The following CDH13 variants were observed in gnomAD, a reference collection of about 807,000 sequenced individuals.
CDH13 encodes the protein cadherin-13.
Under a neutral mutation model 63.8 loss-of-function variants are expected in CDH13, and 24 were observed. The ratio of observed to expected loss-of-function variants is 0.38; its 90% confidence interval spans 0.27 to 0.53. CDH13 has a LOEUF of 0.53. Ranked by LOEUF, CDH13 falls within the 20% of genes least tolerant of loss-of-function variation. The pLI, the probability that CDH13 is intolerant of heterozygous loss-of-function variation, is 0.85. For synonymous variants in CDH13, 503 were observed against 355.3 expected (o/e 1.42, Z -4.67); for missense variants, 1,049 against 903.1 (o/e 1.16, Z -2.07).
intron 6 of CDH13, among the ~76,000 whole-genome samples, chr16:83,399,883 AC>A (rs1240393859): frequency 5.9e-5 from 9 of 152,304 alleles, no homozygotes; most frequent in Non-Finnish European, 8.8e-5. Flanking sequence ...AGGAGGTTGT[AC>A]CCAACTCATT....
chr16:83,383,214 C>A (rs565409791), intron 6 of CDH13: 1 of 152,280 alleles, frequency 6.6e-6, no homozygotes, highest in Admixed American at 6.5e-5. Flanking sequence ...GGGAGAAAAA[C>A]CACAGAAATG....
At chr16:83,000,379 G>A (rs112670851) in intron 2 of CDH13, among the ~76,000 whole-genome samples, 23,957 of 149,382 alleles carry the variant, frequency 0.16, 2,311 homozygotes, top group African/African-American at 0.26. Context: ...CTCGCGAGTA[G>A]CTGGGATTAC....
chr16:83,542,164 C>G (rs1598259370), intron 7 of CDH13, among the ~76,000 whole-genome samples: 1 of 152,300 alleles, frequency 6.6e-6, no homozygotes, highest in Middle Eastern at 3.4e-3. Flanking sequence ...GAGGCCATTC[C>G]TGCTGAGGTG....
chr16:83,009,088 C>G (rs1913850638), intron 2 of CDH13, among the ~76,000 whole-genome samples: 1 of 152,156 alleles, frequency 6.6e-6, no homozygotes, highest in Non-Finnish European at 1.5e-5. Flanking sequence ...CCTTTCTACC[C>G]CATGTGGGGA....
chr16:83,276,739 C>G (rs996756187), intron 5 of CDH13, among the ~76,000 whole-genome samples: 3 of 152,138 alleles, frequency 2.0e-5, no homozygotes, highest in African/African-American at 4.8e-5. Context: ...GGCATGGTGA[C>G]AGGCACCTGT....
intron 1 of CDH13, among the ~76,000 whole-genome samples, chr16:82,857,561 A>G (rs2039753804): frequency 6.6e-6 from 1 of 152,218 alleles, no homozygotes; most frequent in Non-Finnish European, 1.5e-5. Context: ...AAATCACGTA[A>G]CCTAAATTTT....
intron 10 of CDH13, among the ~76,000 whole-genome samples, chr16:83,699,775 T>G (rs1277421426): frequency 6.6e-6 from 1 of 152,216 alleles, no homozygotes; most frequent in East Asian, 1.9e-4. Flanking sequence ...CCTGAGACCC[T>G]GGAAAGCCCT....
At chr16:83,532,054 T>C (rs2075095012) in intron 7 of CDH13, among the ~76,000 whole-genome samples, 2 of 152,126 alleles carry the variant, frequency 1.3e-5, no homozygotes, top group African/African-American at 2.4e-5. Flanking sequence ...TGAGGAAGTC[T>C]CATGAGATCT....
At chr16:83,085,935 A>G (rs898828911) in intron 3 of CDH13, among the ~76,000 whole-genome samples, 1 of 152,182 alleles carries the variant, frequency 6.6e-6, no homozygotes, top group Non-Finnish European at 1.5e-5. Context: ...GAATGGCGTC[A>G]TGAAATACTA....
chr16:83,441,450 C>G (rs1397181583), intron 6 of CDH13, among the ~76,000 whole-genome samples: 2 of 152,092 alleles, frequency 1.3e-5, no homozygotes, highest in Non-Finnish European at 2.9e-5. Context: ...GTGACTTTCC[C>G]CGATTGGTAG....
intron 3 of CDH13, among the ~76,000 whole-genome samples, chr16:83,083,465 G>A (rs747975513): frequency 1.3e-5 from 2 of 152,112 alleles, no homozygotes; most frequent in African/African-American, 4.8e-5. Flanking sequence ...CAAAATCCTT[G>A]CCCCCATGTT....
chr16:83,473,033 A>T (rs751619045), intron 6 of CDH13, among the ~76,000 whole-genome samples: 2 of 152,062 alleles, frequency 1.3e-5, no homozygotes, highest in Non-Finnish European at 2.9e-5. Flanking sequence ...GGAAAAAGCT[A>T]CCCCAGTCTG....
intron 3 of CDH13, among the ~76,000 whole-genome samples, chr16:83,075,062 T>A (rs550978662): frequency 6.0e-4 from 91 of 152,264 alleles, no homozygotes; most frequent in African/African-American, 1.9e-3. Flanking sequence ...CATCCTTGGG[T>A]CCAGCATCCT....
intron 3 of CDH13, among the ~76,000 whole-genome samples, chr16:83,060,732 A>T (rs896230642): frequency 6.6e-6 from 1 of 152,192 alleles, no homozygotes; most frequent in Non-Finnish European, 1.5e-5. Context: ...TAGGATGCAC[A>T]GGTTTACATT....
chr16:82,715,420 G>C (rs2032292689), intron 1 of CDH13, among the ~76,000 whole-genome samples: 1 of 152,090 alleles, frequency 6.6e-6, no homozygotes, highest in Non-Finnish European at 1.5e-5. Context: ...CTTATTAACG[G>C]GTAATGAAGA....
chr16:83,516,100 A>G (rs2074693306), intron 7 of CDH13, among the ~76,000 whole-genome samples: 1 of 152,184 alleles, frequency 6.6e-6, no homozygotes, highest in Non-Finnish European at 1.5e-5. Context: ...GTGGGTTCTT[A>G]TCTTCATCAT....
At chr16:82,674,117 G>T (rs1913615064) in intron 1 of CDH13, among the ~76,000 whole-genome samples, 1 of 152,110 alleles carries the variant, frequency 6.6e-6, no homozygotes, top group African/African-American at 2.4e-5. Flanking sequence ...TGAAATTCTT[G>T]ATATGGATGG....
At chr16:82,884,432 T>C in intron 2 of CDH13, 1 of 311,626 alleles carries the variant, frequency 3.2e-6, no homozygotes, top group South Asian at 2.9e-5. Context: ...CAAAGCAAGA[T>C]GCTTAGTTAA....
intron 5 of CDH13, among the ~76,000 whole-genome samples, chr16:83,234,525 T>C (rs977376462): frequency 1.3e-5 from 2 of 152,162 alleles, no homozygotes; most frequent in African/African-American, 4.8e-5. Flanking sequence ...TCCAGATTCC[T>C]GCTCCAGTGC....
Sources: gnomAD v4.1 joint callset for allele counts (sites outside exome capture counted in the v4.1 genomes callset) on GRCh38, gnomAD v4.1.1 for gene constraint, MANE v1.5 for transcripts, NCBI Gene and HGNC (gene_info 2026-07-23, HGNC 2026-07-21) for gene names.